LRRC37A2: variants seen among roughly 807,000 people sequenced by gnomAD.
LRRC37A2 encodes leucine-rich repeat-containing protein 37A2.
LRRC37A2 carries 9 observed loss-of-function variants against 68.8 expected under a neutral mutation model. The ratio of observed to expected loss-of-function variants is 0.13; its 90% CI spans 0.08 to 0.23. LRRC37A2 has a LOEUF of 0.23. LRRC37A2 is among the 10% of genes least tolerant of loss of function. The pLI is 1.00. For missense variants in LRRC37A2, 168 were observed against 950.4 expected, an observed-to-expected ratio of 0.18 and a Z score of 10.82; for synonymous variants, 63 against 367.6, an observed-to-expected ratio of 0.17 and a Z score of 9.48.
the LRRC37A2 span, among the ~76,000 whole-genome samples, chr17:47,016,190 C>T: frequency 1.3e-5 from 2 of 151,958 alleles, no homozygotes; most frequent in African/African-American, 2.4e-5. Flanking sequence ...GTGATCCCCC[C>T]ACCTCGGCCT....
At chr17:47,038,455 AT>A in the LRRC37A2 span, among the ~76,000 whole-genome samples, 2 of 151,518 alleles carry the variant, frequency 1.3e-5, no homozygotes, top group African/African-American at 2.4e-5. Flanking sequence ...ATCTCTAAAA[AT>A]TTTTTTTAGT....
chr17:46,769,047 C>T, the LRRC37A2 span, among the ~76,000 whole-genome samples: 2 of 152,138 alleles, frequency 1.3e-5, no homozygotes, highest in Non-Finnish European at 2.9e-5. Context: ...GAGTTGTTGC[C>T]CAGGCGCGGT....
the LRRC37A2 span, chr17:46,768,653 T>C: frequency 1.2e-6 from 2 of 1,614,032 alleles, no homozygotes; most frequent in Non-Finnish European, 1.7e-6. This position sits in a 1 kb window ranked among gnomAD's most constrained non-coding sequence, Gnocchi z 5.0. Context: ...GCTTCTCTAC[T>C]ACCATCTCCG....
chr17:47,019,943 C>T, the LRRC37A2 span: 1 of 687,202 alleles, frequency 1.5e-6, no homozygotes, highest in Non-Finnish European at 2.6e-6. Flanking sequence ...GTCAACTCTC[C>T]CTTCTCCTCA....
chr17:46,912,260 G>A, the LRRC37A2 span, among the ~76,000 whole-genome samples: 1 of 152,192 alleles, frequency 6.6e-6, no homozygotes, highest in Non-Finnish European at 1.5e-5. Context: ...TGAGCCCTGC[G>A]AATGCCTAAT....
At chr17:46,868,592 T>C in the LRRC37A2 span, among the ~76,000 whole-genome samples, 1 of 150,446 alleles carries the variant, frequency 6.6e-6, no homozygotes, top group African/African-American at 2.5e-5. Context: ...TGAGACTCGA[T>C]TAAAAAACAA....
chr17:46,750,832 C>A, the LRRC37A2 span, among the ~76,000 whole-genome samples: 1 of 150,438 alleles, frequency 6.6e-6, no homozygotes, highest in African/African-American at 2.4e-5. Flanking sequence ...ATGATTAAAG[C>A]CTTAGAAATG....
chr17:46,755,414 CCT>C, the LRRC37A2 span: 18 of 1,425,546 alleles, frequency 1.3e-5, no homozygotes, highest in South Asian at 2.1e-4. Flanking sequence ...AACTTACCAC[CCT>C]GTTAAATCCC....
At chr17:46,829,655 G>T in the LRRC37A2 span, among the ~76,000 whole-genome samples, 1 of 152,138 alleles carries the variant, frequency 6.6e-6, no homozygotes, top group Admixed American at 6.5e-5. Flanking sequence ...GCTGGGAGGG[G>T]CTGGTGGAAG....
the LRRC37A2 span, among the ~76,000 whole-genome samples, chr17:46,951,234 C>T: frequency 6.6e-6 from 1 of 152,192 alleles, no homozygotes; most frequent in Non-Finnish European, 1.5e-5. Context: ...TTGGCTGGAA[C>T]GGCGGGTTCC....
At chr17:46,736,637 A>C in the LRRC37A2 span, among the ~76,000 whole-genome samples, 1 of 152,234 alleles carries the variant, frequency 6.6e-6, no homozygotes, top group Non-Finnish European at 1.5e-5. Context: ...AAATGTGTAT[A>C]CAATTATTTT....
chr17:46,489,439 C>T, the LRRC37A2 span, among the ~76,000 whole-genome samples: 542 of 103,938 alleles, frequency 5.2e-3, 28 homozygotes, highest in Middle Eastern at 0.019. Flanking sequence ...TTAAACCTTC[C>T]CTAGTCTGTG....
At chr17:46,816,728 T>C in the LRRC37A2 span, among the ~76,000 whole-genome samples, 5 of 152,192 alleles carry the variant, frequency 3.3e-5, no homozygotes, top group African/African-American at 1.2e-4. Context: ...TTCTAGTTCA[T>C]AGGGCCGGAG....
chr17:46,960,677 A>G, the LRRC37A2 span, among the ~76,000 whole-genome samples: 1 of 152,250 alleles, frequency 6.6e-6, no homozygotes, highest in African/African-American at 2.4e-5. Context: ...TATTACTACT[A>G]AGCAAGAAAA....
the LRRC37A2 span, among the ~76,000 whole-genome samples, chr17:46,621,348 A>T: frequency 7.3e-6 from 1 of 137,312 alleles, no homozygotes; most frequent in Non-Finnish European, 1.6e-5. Context: ...GTACAGTGAC[A>T]CGATCTCAGC....
chr17:46,929,580 G>A, the LRRC37A2 span: 4 of 1,475,656 alleles, frequency 2.7e-6, no homozygotes, highest in South Asian at 1.1e-5. Context: ...AGCAGTCTGT[G>A]CACAGTGAGT....
At chr17:46,784,038 G>T in the LRRC37A2 span, among the ~76,000 whole-genome samples, 1 of 152,268 alleles carries the variant, frequency 6.6e-6, no homozygotes, top group Admixed American at 6.5e-5. Context: ...CAACCTCCCA[G>T]GGCTCAGCTC....
the LRRC37A2 span, among the ~76,000 whole-genome samples, chr17:46,606,402 G>T: frequency 1.3e-3 from 2 of 1,516 alleles, no homozygotes; most frequent in Admixed American, 6.2e-3. Context: ...AGGCAAGGAA[G>T]AAGTGAAAAA....
At chr17:47,040,612 TAAA>T in the LRRC37A2 span, among the ~76,000 whole-genome samples, 1 of 99,234 alleles carries the variant, frequency 1.0e-5, no homozygotes, top group African/African-American at 3.4e-5. Flanking sequence ...AGCTAATGAT[TAAA>T]TGAAGATTTA....
Sources: gnomAD v4.1 joint callset for allele counts (sites outside exome capture counted in the v4.1 genomes callset) on GRCh38, gnomAD v4.1.1 for gene constraint, Gnocchi (gnomAD v3.1) non-coding constraint, MANE v1.5 for transcripts, NCBI Gene and HGNC (gene_info 2026-07-23, HGNC 2026-07-21) for gene names.